FAAH2: variants seen among roughly 807,000 people sequenced by gnomAD.
The protein encoded by FAAH2 is fatty-acid amide hydrolase 2.
A neutral mutation model predicts 36.9 loss-of-function variants in FAAH2; 60 were observed. That is an observed-to-expected ratio of 1.63 (90% CI 1.32 to 2.02). The LOEUF (loss-of-function observed/expected upper bound fraction) is 2.02. Ranked by LOEUF, FAAH2 falls within the 30% of genes most tolerant of loss-of-function variation. The pLI is 0.00. For synonymous variants in FAAH2, 214 were observed against 143.8 expected (o/e 1.49, Z -3.49); for missense variants, 689 against 397.5 (o/e 1.73, Z -6.23).
chrX:57,318,461 A>C (rs763580072), intron 3 of FAAH2, among the ~76,000 whole-genome samples: 1 of 111,613 alleles, frequency 9.0e-6, no homozygotes, highest in East Asian at 2.8e-4. Context: ...CCCAAGTCTA[A>C]AGCAAACCAG....
At chrX:57,147,345 C>T in the FAAH2 span, among the ~76,000 whole-genome samples, 9 of 111,140 alleles carry the variant, frequency 8.1e-5, no homozygotes, top group South Asian at 3.7e-4. Flanking sequence ...CTAGTTTATG[C>T]GCAAGTTCAT....
chrX:57,306,999 AT>A (rs2052559571), intron 2 of FAAH2, among the ~76,000 whole-genome samples: 1 of 52,743 alleles, frequency 1.9e-5, no homozygotes, highest in African/African-American at 5.2e-5. Flanking sequence ...ACACAGATAC[AT>A]ATATATATAT....
intron 10 of FAAH2, among the ~76,000 whole-genome samples, chrX:57,479,522 C>G (rs1195659569): frequency 1.8e-5 from 2 of 111,225 alleles, no homozygotes; most frequent in East Asian, 5.6e-4. Flanking sequence ...ACTTCCAACA[C>G]TATGTTGAGT....
rs149391676 is a variant in FAAH2 at position 57,422,171 on chromosome X, C to T, written c.997-9747C>T. Among the ~76,000 whole-genome samples the T allele has an allele frequency of 8.0e-5, 9 of 112,129 alleles. No individual in the cohort carries two copies. The East Asian group carries it at 2.5e-3, about 32-fold the overall frequency. On this transcript the variant is annotated intron_variant, in intron 7 of 10. Transcript: ENST00000374900. ...AGCAGTGAACCCACATTTGGCACAACAGCTGTTTGGAGTTATCATCTCATC... is the reference window on the plus strand; with the variant it reads ...AGCAGTGAACCCACATTTGGCACAATAGCTGTTTGGAGTTATCATCTCATC...
At chrX:57,203,327 T>A in the FAAH2 span, among the ~76,000 whole-genome samples, 1 of 112,464 alleles carries the variant, frequency 8.9e-6, no homozygotes, top group South Asian at 3.7e-4. Context: ...TCACTCATGC[T>A]ATTGTTTGTG....
intron 7 of FAAH2, among the ~76,000 whole-genome samples, chrX:57,386,795 T>C (rs1427105961): frequency 8.9e-6 from 1 of 112,410 alleles, no homozygotes; most frequent in Non-Finnish European, 1.9e-5. Context: ...CTCACTGTTA[T>C]TGAAACTTTC....
chrX:57,232,330 G>A, the FAAH2 span, among the ~76,000 whole-genome samples: 1 of 111,760 alleles, frequency 8.9e-6, no homozygotes, highest in Non-Finnish European at 1.9e-5. Flanking sequence ...TTAAGAAAAT[G>A]GTGAGGGAGA....
chrX:57,337,173 A>T (rs1204863400), intron 4 of FAAH2, among the ~76,000 whole-genome samples: 1 of 108,799 alleles, frequency 9.2e-6, no homozygotes, highest in Non-Finnish European at 1.9e-5. Flanking sequence ...CTGGAGGCAT[A>T]CACTTTCCCA....
chrX:57,349,249 CTG>C (rs201431500), intron 5 of FAAH2, among the ~76,000 whole-genome samples: 49,006 of 89,440 alleles, frequency 0.55, 13,125 homozygotes, highest in Non-Finnish European at 0.74. Context: ...GTATGTATAT[CTG>C]TGTGTATATA....
chrX:57,233,290 G>C, the FAAH2 span, among the ~76,000 whole-genome samples: 1 of 111,250 alleles, frequency 9.0e-6, no homozygotes, highest in African/African-American at 3.3e-5. Flanking sequence ...TAAACACTTT[G>C]GTTTTAGCTG....
the FAAH2 span, among the ~76,000 whole-genome samples, chrX:57,141,374 G>C: frequency 8.9e-6 from 1 of 111,743 alleles, no homozygotes; most frequent in East Asian, 2.8e-4. Context: ...TATATTTATT[G>C]GTAATATTGG....
At chrX:57,330,443 T>C (rs2053368778) in intron 3 of FAAH2, among the ~76,000 whole-genome samples, 1 of 111,841 alleles carries the variant, frequency 8.9e-6, no homozygotes, top group African/African-American at 3.3e-5. Context: ...TGTCTCCTGA[T>C]AAGATGTTAT....
the FAAH2 span, among the ~76,000 whole-genome samples, chrX:57,251,881 G>A: frequency 8.9e-6 from 1 of 111,769 alleles, no homozygotes; most frequent in Admixed American, 9.5e-5. Context: ...GTGAGCCAAA[G>A]TGGGGGGTGG....
chrX:57,179,132 A>T, the FAAH2 span, among the ~76,000 whole-genome samples: 5 of 111,803 alleles, frequency 4.5e-5, no homozygotes, highest in Non-Finnish European at 9.4e-5. Flanking sequence ...GAGCTTTCCT[A>T]TAAAAAGGAA....
chrX:57,329,578 C>A (rs963370257), intron 3 of FAAH2, among the ~76,000 whole-genome samples: 1 of 108,831 alleles, frequency 9.2e-6, no homozygotes, highest in African/African-American at 3.4e-5. Context: ...AGTGGCATGG[C>A]AGGGTGCACA....
the FAAH2 span, among the ~76,000 whole-genome samples, chrX:57,196,374 G>A: frequency 4.5e-5 from 5 of 111,794 alleles, no homozygotes; most frequent in African/African-American, 1.6e-4. Flanking sequence ...GTCACTGTTG[G>A]TGTATAGCAG....
the FAAH2 span, among the ~76,000 whole-genome samples, chrX:57,216,580 ATGTATATG>A: frequency 7.8e-5 from 4 of 51,386 alleles, no homozygotes; most frequent in South Asian, 4.3e-3. Context: ...ATGTATATAT[ATGTATATG>A]TATATATATG....
intron 5 of FAAH2, among the ~76,000 whole-genome samples, chrX:57,352,752 A>G (rs1276484805): frequency 9.0e-6 from 1 of 111,408 alleles, no homozygotes; most frequent in Non-Finnish European, 1.9e-5. Flanking sequence ...TGATAAATGA[A>G]TTCAGGAAAG....
the FAAH2 span, among the ~76,000 whole-genome samples, chrX:57,215,101 A>G: frequency 1.1e-5 from 1 of 88,816 alleles, no homozygotes. Context: ...AAATACTTAA[A>G]CAAACTTACA....
Sources: allele counts gnomAD v4.1 joint callset (sites outside exome capture counted in the v4.1 genomes callset), GRCh38; gene constraint gnomAD v4.1.1; transcripts MANE v1.5; gene names NCBI Gene and HGNC (gene_info 2026-07-23, HGNC 2026-07-21).